The following MAPKAPK3 variants were observed in gnomAD, a reference collection of about 807,000 sequenced individuals.
The protein encoded by MAPKAPK3 is MAPK activated protein kinase 3, also known as MAP kinase-activated protein kinase 3.
MAPKAPK3 carries 35 observed loss-of-function variants against 49.2 expected under a neutral mutation model. That is an observed-to-expected ratio of 0.71 (90% confidence interval 0.54 to 0.94). The LOEUF is 0.94. Ranked by LOEUF, MAPKAPK3 falls within the 40% of genes least tolerant of loss-of-function variation. The pLI, the probability that MAPKAPK3 is intolerant of heterozygous loss-of-function variation, is 0.00. For missense variants in MAPKAPK3, 398 were observed against 493.1 expected (o/e 0.81, Z 1.83); for synonymous variants, 178 against 188.7 (o/e 0.94, Z 0.46).
chr3:50,642,203 G>A, intron 4 of MAPKAPK3, 50 bp from the exon 5 acceptor site: 2 of 1,243,468 alleles, frequency 1.6e-6, no homozygotes, highest in Non-Finnish European at 1.2e-6. Context: ...TAGGGTGGGG[G>A]CTTGACCTTT....
In MAPKAPK3 at chr3:50,644,536, A is replaced by C; in HGVS notation, c.628+4A>C. ...TGCTATACTCCCTATTATGTGGGTGAGTCCTTCGGACATGAGTTGTAACTC... is the reference window on the plus strand; with the variant it reads ...TGCTATACTCCCTATTATGTGGGTGCGTCCTTCGGACATGAGTTGTAACTC... On this transcript the variant is annotated splice_donor_region_variant and intron_variant, in intron 6 of 10. Coordinates refer to ENST00000621469, the MANE Select transcript of MAPKAPK3 (RefSeq NM_001243925.2). 1 of 1,614,014 alleles carries C rather than the reference A, an allele frequency of 6.2e-7. No individual in the cohort carries two copies. Among genetic ancestry groups the C allele is most frequent in the Non-Finnish European group, 8.5e-7 (1 of 1,179,986 alleles).
At chr3:50,642,675 T>G (rs918308413) in intron 5 of MAPKAPK3, among the ~76,000 whole-genome samples, 9 of 152,190 alleles carry the variant, frequency 5.9e-5, no homozygotes, top group Admixed American at 2.0e-4. Context: ...ATTTTACAGA[T>G]GAGGAAAACA....
chr3:50,615,409 A>C (rs1165955953), upstream of MAPKAPK3, among the ~76,000 whole-genome samples: 1 of 152,190 alleles, frequency 6.6e-6, no homozygotes, highest in African/African-American at 2.4e-5. Flanking sequence ...ACATGTGTAA[A>C]GGTGTGACTG....
rs1350451215 is a variant in MAPKAPK3 at position 50,645,822 on chromosome 3, C to T, written c.704+37C>T. The T allele has an allele frequency of 3.8e-6, 6 of 1,592,898 alleles. No homozygotes were observed. The African/African-American group carries it at 4.0e-5, about 11-fold the overall frequency. On this transcript the variant is annotated intron_variant, in intron 7 of 10. Coordinates refer to ENST00000621469, the MANE Select transcript of MAPKAPK3 (RefSeq NM_001243925.2). ...CCCCACCCCCTGCCTCCATCTCCTG[C>T]CCTTACCCCCACTGTGAGCCCTCAG...
chr3:50,647,169 T>C lies in MAPKAPK3; in HGVS notation c.962T>C (p.Leu321Pro). 2 of 1,597,448 alleles carry C rather than the reference T, an allele frequency of 1.3e-6. No individual in the cohort carries two copies. The highest frequency in any genetic ancestry group is 1.7e-6 in the Non-Finnish European group (2 of 1,171,972). The change falls in exon 10 of 11, where the codon CTG (leucine) becomes CCG (proline). Residue 321 changes from leucine (L) to proline (P), a missense_variant. Coordinates refer to ENST00000621469, the MANE Select transcript of MAPKAPK3 (RefSeq NM_001243925.2). ...ACCCCACTCCACACGGCCCGAGTGC[T>C]GCAGGAGGACAAAGACCACTGGGAC... ...PQTPLHTARV[L>P]QEDKDHWDEV... is the part of the protein sequence containing the mutation.
rs889740079 is a variant in MAPKAPK3 at position 50,648,286 on chromosome 3, C to T, written c.*240C>T. ...CTAGGGGCTGGGAGCTGCCTGCTGCCATAGCAGCACCTTTAGCTAGGTTGG... is the reference window on the plus strand; with the variant it reads ...CTAGGGGCTGGGAGCTGCCTGCTGCTATAGCAGCACCTTTAGCTAGGTTGG... On this transcript the variant is annotated 3_prime_UTR_variant, in exon 11 of 11. Transcript: ENST00000621469. The T allele has an allele frequency of 2.5e-5, 12 of 480,448 alleles. No homozygotes were observed. Among genetic ancestry groups the T allele is most frequent in the African/African-American group, 2.1e-4 (11 of 51,206 alleles). 29.8% of individuals were successfully genotyped at this position (480,448 alleles called of 1,614,324 possible).
At chr3:50,636,492 G>A (rs1263252173) in intron 2 of MAPKAPK3, among the ~76,000 whole-genome samples, 3 of 152,210 alleles carry the variant, frequency 2.0e-5, no homozygotes, top group Non-Finnish European at 4.4e-5. Context: ...TGAAAAGGGC[G>A]ATGACGTGAG....
At chr3:50,624,673 C>G (rs756375697) in intron 2 of MAPKAPK3, among the ~76,000 whole-genome samples, 2 of 152,164 alleles carry the variant, frequency 1.3e-5, no homozygotes, top group Non-Finnish European at 2.9e-5. Flanking sequence ...TCATTTTCCT[C>G]TGCTGGGGAC....
intron 2 of MAPKAPK3, among the ~76,000 whole-genome samples, chr3:50,638,598 T>G (rs907570723): frequency 6.6e-6 from 1 of 152,160 alleles, no homozygotes; most frequent in Non-Finnish European, 1.5e-5. Flanking sequence ...CTCTCTGTAT[T>G]CCTTGCACTG....
chr3:50,641,731 C>T lies in MAPKAPK3; in HGVS notation c.384C>T (p.Ser128=), dbSNP rs1214442364. 7 of 1,614,014 alleles carry T rather than the reference C, an allele frequency of 4.3e-6. No individual in the cohort carries two copies. In the Admixed American group the frequency reaches 1.2e-4, roughly 27 times the overall value. Reference sequence around the variant, plus strand: ...GCATGGAAGGTGGTGAGTTGTTCAGCAGGATTCAGGAGCGTGGCGACCAGG... The same window carrying T: ...GCATGGAAGGTGGTGAGTTGTTCAGTAGGATTCAGGAGCGTGGCGACCAGG... ...MECMEGGELF[S]RIQERGDQAF... The change falls in exon 4 of 11, where the codon AGC becomes AGT. Residue 128 remains serine (S), a synonymous_variant. Coordinates refer to ENST00000621469, the MANE Select transcript of MAPKAPK3 (RefSeq NM_001243925.2).
At chr3:50,622,754 T>C (rs753676659) in intron 2 of MAPKAPK3, among the ~76,000 whole-genome samples, 7 of 152,240 alleles carry the variant, frequency 4.6e-5, no homozygotes, top group Non-Finnish European at 7.3e-5. Context: ...ACTGCCTCAA[T>C]AGACCTCATG....
chr3:50,644,330 G>T, intron 5 of MAPKAPK3, 79 bp from the exon 6 acceptor site: 2 of 1,554,106 alleles, frequency 1.3e-6, no homozygotes, highest in East Asian at 4.5e-5. Context: ...GAGTCGGGGA[G>T]TCTGGCTGAA....
chr3:50,635,258 A>T (rs181220792), intron 2 of MAPKAPK3, among the ~76,000 whole-genome samples: 1 of 152,172 alleles, frequency 6.6e-6, no homozygotes, highest in Non-Finnish European at 1.5e-5. Context: ...TGGAGCAGTC[A>T]TGATGGGCTC....
At chr3:50,638,373 G>T (rs2033092262) in intron 2 of MAPKAPK3, among the ~76,000 whole-genome samples, 1 of 152,198 alleles carries the variant, frequency 6.6e-6, no homozygotes, top group Non-Finnish European at 1.5e-5. Flanking sequence ...GGGGCACTGA[G>T]CTTTCTGGTC....
Position 50,617,755 on chromosome 3 carries a change from C to A in MAPKAPK3, c.190C>A (p.Arg64=). ...CGGCAAAGTGCTGGAGTGCTTCCAT[C>A]GGCGCACTGGACAGAAGTGTGCCCT... is the stretch of plus-strand genomic sequence containing the variant. ...VNGKVLECFH[R]RTGQKCALKL... is the part of the protein sequence containing the mutation. The change falls in exon 2 of 11, where the codon CGG becomes AGG. Residue 64 remains arginine (R), a synonymous_variant. Transcript: ENST00000621469. The A allele has an allele frequency of 6.2e-7, 1 of 1,613,590 alleles. No homozygotes were observed. The highest frequency in any genetic ancestry group is 8.5e-7 in the Non-Finnish European group (1 of 1,179,984).
chr3:50,648,588 C>G lies in MAPKAPK3; in HGVS notation c.*542C>G, dbSNP rs955896032. ...CTGATTTCTCACACACTGGCTGGCC[C>G]TCTCATTCTCACTCCTCCTTGGGCC... On this transcript the variant is annotated 3_prime_UTR_variant, in exon 11 of 11. Coordinates refer to ENST00000621469, the MANE Select transcript of MAPKAPK3 (RefSeq NM_001243925.2). 1.9e-5 allele frequency: 3 copies of G among 154,488 alleles called. No individual in the cohort carries two copies. Among genetic ancestry groups the G allele is most frequent in the African/African-American group, 7.2e-5 (3 of 41,470 alleles). 9.6% of individuals were successfully genotyped at this position (154,488 alleles called of 1,614,324 possible). A position where few individuals can be genotyped will look rare whatever the true frequency, so the allele number is the denominator to read the frequency against.
chr3:50,620,451 G>A (rs1196828214), intron 2 of MAPKAPK3, among the ~76,000 whole-genome samples: 1 of 152,168 alleles, frequency 6.6e-6, no homozygotes, highest in African/African-American at 2.4e-5. Context: ...CCTTGTTCAG[G>A]CCATCTCTGC....
chr3:50,644,715 T>G (rs540950605), intron 6 of MAPKAPK3, among the ~76,000 whole-genome samples, 183 bp downstream of exon 6: 107 of 152,302 alleles, frequency 7.0e-4, no homozygotes, highest in African/African-American at 2.5e-3. Flanking sequence ...CTCCCAAACT[T>G]CAGCTTCTGC....
intron 4 of MAPKAPK3, 28 bp from the exon 5 acceptor site, chr3:50,642,225 C>G (rs373000909): frequency 1.3e-6 from 2 of 1,526,518 alleles, no homozygotes; most frequent in African/African-American, 2.7e-5. Context: ...ACTGGCATCA[C>G]TGACCCCCTC....
Sources: allele counts gnomAD v4.1 joint callset (sites outside exome capture counted in the v4.1 genomes callset), GRCh38; gene constraint gnomAD v4.1.1; transcripts MANE v1.5; gene names NCBI Gene and HGNC (gene_info 2026-07-23, HGNC 2026-07-21).